The following GJA1 variants were observed in gnomAD, a reference collection of about 807,000 sequenced individuals.
The protein encoded by GJA1 is gap junction alpha-1 protein.
Under a neutral mutation model 31.0 loss-of-function variants are expected in GJA1, and 9 were observed. The ratio of observed to expected loss-of-function variants is 0.29; its 90% confidence interval spans 0.17 to 0.51. The LOEUF is 0.51. Ranked by LOEUF, GJA1 falls within the 20% of genes least tolerant of loss-of-function variation. The pLI, the probability that GJA1 is intolerant of heterozygous loss-of-function variation, is 0.98. For synonymous variants in GJA1, 186 were observed against 180.1 expected, an observed-to-expected ratio of 1.03 and a Z score of -0.26; for missense variants, 278 against 468.8, an observed-to-expected ratio of 0.59 and a Z score of 3.76.
chr6:121,436,430 C>T (rs1773664608), intron 1 of GJA1, among the ~76,000 whole-genome samples: 1 of 151,976 alleles, frequency 6.6e-6, no homozygotes, highest in African/African-American at 2.4e-5. Context: ...AGAATTTTCC[C>T]CATTAAACAA....
rs1244810961 is a variant in GJA1 at position 121,448,848 on chromosome 6, T to C, written c.*852T>C. The C allele has an allele frequency of 1.8e-5, 3 of 167,006 alleles. No individual in the cohort carries two copies. The highest frequency in any genetic ancestry group is 7.2e-5 in the African/African-American group (3 of 41,452). 10.3% of individuals were successfully genotyped at this position (167,006 alleles called of 1,614,324 possible). A position where few individuals can be genotyped will look rare whatever the true frequency, so the allele number is the denominator to read the frequency against. ...TGTGTCGAAGAGTTTGTTTTGTTTG[T>C]CATGTATTGGTACAAGCAGATACAG... On this transcript the variant is annotated 3_prime_UTR_variant, in exon 2 of 2. Transcript: ENST00000282561.
At chr6:121,437,998 C>T (rs914113939) in intron 1 of GJA1, among the ~76,000 whole-genome samples, 3 of 152,104 alleles carry the variant, frequency 2.0e-5, no homozygotes, top group South Asian at 2.1e-4. Flanking sequence ...TCCCCTCCCC[C>T]CCGCGCCAGG....
intron 1 of GJA1, among the ~76,000 whole-genome samples, chr6:121,438,038 CTT>C (rs149622654): frequency 0.025 from 3,745 of 152,258 alleles, 201 homozygotes; most frequent in East Asian, 0.21. Context: ...ACAGAAAACA[CTT>C]TTGGGAGAAG....
At chr6:121,440,757 T>C (rs1043551006) in intron 1 of GJA1, among the ~76,000 whole-genome samples, 14 of 152,112 alleles carry the variant, frequency 9.2e-5, no homozygotes, top group Non-Finnish European at 1.3e-4. Flanking sequence ...CTTTTCTTTT[T>C]TTGAGACGGA....
At chr6:121,446,726 T>TA in intron 1 of GJA1, 106 bp from the exon 2 acceptor site, 1 of 821,888 alleles carries the variant, frequency 1.2e-6, no homozygotes, top group Non-Finnish European at 2.1e-6. Context: ...ATGTTAGAAA[T>TA]ACGTGAAACC....
intron 1 of GJA1, among the ~76,000 whole-genome samples, chr6:121,437,799 T>C (rs897660563): frequency 3.9e-5 from 6 of 152,152 alleles, no homozygotes; most frequent in Admixed American, 3.9e-4. Flanking sequence ...TGGAAGACGG[T>C]TGAATTTCTT....
intron 1 of GJA1, among the ~76,000 whole-genome samples, chr6:121,437,344 C>G (rs1034223354): frequency 6.7e-6 from 1 of 150,168 alleles, no homozygotes; most frequent in Non-Finnish European, 1.5e-5. Flanking sequence ...CCATCCCTCT[C>G]ACACCAGCCC....
chr6:121,449,593 C>A lies in GJA1; in HGVS notation c.*1597C>A, dbSNP rs2114287561. On this transcript the variant is annotated 3_prime_UTR_variant, in exon 2 of 2. Coordinates refer to ENST00000282561, the MANE Select transcript of GJA1 (RefSeq NM_000165.5). The stretch of plus-strand genomic sequence containing the variant: ...AAACAGTTTTGTACAATGAAAATTA[C>A]TAATTTGTTTGACATTCCATGTTAA... The A allele has an allele frequency of 6.0e-6, 1 of 167,124 alleles. No homozygotes were observed. Among genetic ancestry groups the A allele is most frequent in the East Asian group, 1.9e-4 (1 of 5,180 alleles). The allele number at this position is 167,124 out of a possible 1,614,324, so 10.4% of individuals were successfully genotyped here.
intron 1 of GJA1, among the ~76,000 whole-genome samples, chr6:121,444,542 T>A (rs550146936): frequency 3.9e-5 from 6 of 152,182 alleles, no homozygotes; most frequent in African/African-American, 1.4e-4. Context: ...GAAGATGCAG[T>A]CATTAGACAG....
chr6:121,448,965 G>A lies in GJA1; in HGVS notation c.*969G>A, dbSNP rs1475665733. On this transcript the variant is annotated 3_prime_UTR_variant, in exon 2 of 2. Coordinates refer to ENST00000282561, the MANE Select transcript of GJA1 (RefSeq NM_000165.5). ...GGATTTTTGTGGTGTGGGCCAATATGGTGTTTACATTATATAATTCCTGCT... is the reference window on the plus strand; with the variant it reads ...GGATTTTTGTGGTGTGGGCCAATATAGTGTTTACATTATATAATTCCTGCT... The A allele has an allele frequency of 1.2e-5, 2 of 166,162 alleles. No homozygotes were observed. Among genetic ancestry groups the A allele is most frequent in the African/African-American group, 2.4e-5 (1 of 41,360 alleles). The allele number at this position is 166,162 out of a possible 1,614,324, so 10.3% of individuals were successfully genotyped here.
In GJA1 at chr6:121,447,729, C is replaced by T. The variant is rs753091320; in HGVS notation, c.882C>T (p.Asn294=). The change falls in exon 2 of 2, where the codon AAC becomes AAT. Residue 294 remains asparagine, a synonymous_variant. Transcript: ENST00000282561. ...PGYKLVTGDR[N]NSSCRNYNKQ... is the part of the protein sequence containing the mutation. ...ACAAGCTGGTTACTGGCGACAGAAA[C>T]AATTCTTCTTGCCGCAATTACAACA... The T allele has an allele frequency of 6.2e-6, 10 of 1,614,112 alleles. No individual in the cohort carries two copies. The East Asian group carries it at 2.2e-4, about 36-fold the overall frequency.
chr6:121,441,324 G>A (rs995452119), intron 1 of GJA1, among the ~76,000 whole-genome samples: 3 of 151,746 alleles, frequency 2.0e-5, no homozygotes, highest in Non-Finnish European at 2.9e-5. Flanking sequence ...CTTGACCTCA[G>A]ATGATCCTCC....
chr6:121,448,353 C>T lies in GJA1; in HGVS notation c.*357C>T, dbSNP rs1208674647. Reference sequence around the variant, plus strand: ...GTGAATGAGCGGGTGGTAATTGTGGCTAAATATTTTTGTTTTACCAAGAAA... The same window carrying T: ...GTGAATGAGCGGGTGGTAATTGTGGTTAAATATTTTTGTTTTACCAAGAAA... On this transcript the variant is annotated 3_prime_UTR_variant, in exon 2 of 2. Transcript: ENST00000282561. The T allele has an allele frequency of 1.8e-5, 5 of 274,240 alleles. No homozygotes were observed. Among genetic ancestry groups the T allele is most frequent in the Non-Finnish European group, 3.7e-5 (5 of 133,514 alleles). The allele number at this position is 274,240 out of a possible 1,614,324, so 17.0% of individuals were successfully genotyped here. A position where few individuals can be genotyped will look rare whatever the true frequency, so the allele number is the denominator to read the frequency against.
chr6:121,437,969 G>C (rs1157667061), intron 1 of GJA1, among the ~76,000 whole-genome samples: 1 of 152,118 alleles, frequency 6.6e-6, no homozygotes, highest in Non-Finnish European at 1.5e-5. Flanking sequence ...GTAATGCAGA[G>C]ATTTCATTAA....
chr6:121,440,572 A>T (rs1773755204), intron 1 of GJA1, among the ~76,000 whole-genome samples: 1 of 151,916 alleles, frequency 6.6e-6, no homozygotes, highest in Non-Finnish European at 1.5e-5. Flanking sequence ...TTCCTTTTTA[A>T]TTAATTTGAA....
rs1773921458 is a variant in GJA1, at chr6:121,448,086, G to T, written c.*90G>T. The stretch of plus-strand genomic sequence containing the variant: ...TGCACCAGGTGTTAATTTTGATCCG[G>T]TGGAGGTGGTACTCAACAGCCTTAT... On this transcript the variant is annotated 3_prime_UTR_variant, in exon 2 of 2. Coordinates refer to ENST00000282561, the MANE Select transcript of GJA1 (RefSeq NM_000165.5). 1 of 1,153,270 alleles carries T rather than the reference G, an allele frequency of 8.7e-7. No individual in the cohort carries two copies. The highest frequency in any genetic ancestry group is 1.5e-5 in the African/African-American group (1 of 66,150). The allele number at this position is 1,153,270 out of a possible 1,614,324, so 71.4% of individuals were successfully genotyped here. A position where few individuals can be genotyped will look rare whatever the true frequency, so the allele number is the denominator to read the frequency against.
chr6:121,440,419 T>G (rs1019516901), intron 1 of GJA1, among the ~76,000 whole-genome samples: 1 of 152,124 alleles, frequency 6.6e-6, no homozygotes, highest in Non-Finnish European at 1.5e-5. Context: ...AAAGAGCCTT[T>G]TTTCTTAATT....
In GJA1 at chr6:121,448,009, A is replaced by G; in HGVS notation, c.*13A>G. 1 of 1,608,726 alleles carries G rather than the reference A, an allele frequency of 6.2e-7. No homozygotes were observed. Among genetic ancestry groups the G allele is most frequent in the Non-Finnish European group, 8.5e-7 (1 of 1,175,136 alleles). On this transcript the variant is annotated 3_prime_UTR_variant, in exon 2 of 2. Transcript: ENST00000282561. ...CCTGGAGATCTAGATACAGGCTTGA[A>G]AGCATCAAGATTCCACTCAATTGTG... is the stretch of plus-strand genomic sequence containing the variant.
intron 1 of GJA1, among the ~76,000 whole-genome samples, chr6:121,440,435 C>CTT (rs1773750766): frequency 6.6e-6 from 1 of 152,010 alleles, no homozygotes; most frequent in African/African-American, 2.4e-5. Context: ...TAATTTAGCT[C>CTT]TTTTGCCTGC....
Sources: allele counts gnomAD v4.1 joint callset (sites outside exome capture counted in the v4.1 genomes callset), GRCh38; gene constraint gnomAD v4.1.1; transcripts MANE v1.5; gene names NCBI Gene and HGNC (gene_info 2026-07-23, HGNC 2026-07-21).